Variants in ENPP6 observed in about 807,000 individuals in gnomAD.
ENPP6 encodes the protein glycerophosphocholine cholinephosphodiesterase ENPP6.
Under a neutral mutation model 42.0 loss-of-function variants are expected in ENPP6, and 32 were observed. The observed-to-expected ratio is 0.76, with a 90% CI of 0.58 to 1.02. The LOEUF (loss-of-function observed/expected upper bound fraction) is 1.02, where lower values mean the gene tolerates loss of function less well. Among genes scored for constraint, ENPP6 ranks in the 50% least tolerant of loss-of-function variants. The pLI is 0.00. For missense variants in ENPP6, 552 were observed against 566.8 expected (o/e 0.97, Z 0.27); for synonymous variants, 213 against 216.0 (o/e 0.99, Z 0.12).
chr4:184,206,573 C>T (rs1361032658), intron 1 of ENPP6, among the ~76,000 whole-genome samples: 1 of 152,016 alleles, frequency 6.6e-6, no homozygotes, highest in Non-Finnish European at 1.5e-5. Flanking sequence ...TTGAATTCTG[C>T]AGAAGGCTGA....
chr4:184,189,637 G>T (rs1732688083), intron 1 of ENPP6, among the ~76,000 whole-genome samples: 1 of 152,202 alleles, frequency 6.6e-6, no homozygotes, highest in Non-Finnish European at 1.5e-5. Context: ...GAGGCCAGAA[G>T]GGCAGAAGAA....
chr4:184,120,690 C>T (rs990999549), intron 3 of ENPP6, among the ~76,000 whole-genome samples: 1 of 152,144 alleles, frequency 6.6e-6, no homozygotes, highest in African/African-American at 2.4e-5. Context: ...GAAAAAGGGC[C>T]GTGTGTGGGG....
At chr4:184,201,283 G>A (rs759187782) in intron 1 of ENPP6, among the ~76,000 whole-genome samples, 10 of 152,262 alleles carry the variant, frequency 6.6e-5, no homozygotes, top group Admixed American at 2.6e-4. Flanking sequence ...AATCTGAAAT[G>A]CCCTTTAACC....
In ENPP6 at chr4:184,160,236, C is replaced by T. The variant is rs1020058945; in HGVS notation, c.242-6503G>A. ...CTTTAAGGAATCTCCATACTGTTTT[C>T]AATAGTGGTTGTACTGGTTTACATT... On this transcript the variant is annotated intron_variant, in intron 1 of 7. Transcript: ENST00000296741. Among the ~76,000 whole-genome samples the T allele has an allele frequency of 7.9e-5, 12 of 152,170 alleles. 1 individual carries two copies. The highest frequency in any genetic ancestry group is 1.8e-4 in the Non-Finnish European group (12 of 68,024).
At chr4:184,120,520 G>C (rs531742379) in intron 3 of ENPP6, among the ~76,000 whole-genome samples, 1 of 152,046 alleles carries the variant, frequency 6.6e-6, no homozygotes, top group Admixed American at 6.5e-5. Flanking sequence ...GTGACCCCCT[G>C]CTCTCCTCCA....
At chr4:184,112,874 G>A in intron 5 of ENPP6, 65 bp from the exon 6 acceptor site, 9 of 1,485,566 alleles carry the variant, frequency 6.1e-6, no homozygotes, top group Non-Finnish European at 7.2e-6. Context: ...ATTTACTGGA[G>A]CTAGGGGAGA....
At chr4:184,120,518 C>T (rs917627532) in intron 3 of ENPP6, among the ~76,000 whole-genome samples, 4 of 152,198 alleles carry the variant, frequency 2.6e-5, no homozygotes, top group Non-Finnish European at 4.4e-5. Context: ...CTGTGACCCC[C>T]TGCTCTCCTC....
At chr4:184,157,177 T>G (rs1560995597) in intron 1 of ENPP6, among the ~76,000 whole-genome samples, 1 of 152,320 alleles carries the variant, frequency 6.6e-6, no homozygotes, top group East Asian at 1.9e-4. Context: ...CTAGCCAGAA[T>G]TCATTGGCCA....
intron 1 of ENPP6, among the ~76,000 whole-genome samples, chr4:184,199,274 A>G (rs931906644): frequency 3.3e-5 from 5 of 152,038 alleles, no homozygotes; most frequent in African/African-American, 1.2e-4. Flanking sequence ...CTGTGATGAG[A>G]TATCTCACGG....
At chr4:184,111,856 C>T (rs550336407) in intron 6 of ENPP6, among the ~76,000 whole-genome samples, 19 of 152,296 alleles carry the variant, frequency 1.2e-4, no homozygotes, top group South Asian at 2.1e-4. Context: ...CCTCATGCCC[C>T]GGGGTGACTA....
chr4:184,167,236 C>T (rs1336036050), intron 1 of ENPP6, among the ~76,000 whole-genome samples: 1 of 152,208 alleles, frequency 6.6e-6, no homozygotes, highest in Non-Finnish European at 1.5e-5. Flanking sequence ...CTGCCTCAGT[C>T]TCCCGAGTAG....
intron 1 of ENPP6, among the ~76,000 whole-genome samples, chr4:184,185,627 G>T (rs548389704): frequency 7.2e-5 from 11 of 152,294 alleles, no homozygotes; most frequent in African/African-American, 2.6e-4. Flanking sequence ...GACAAAAAAG[G>T]TTTAACTTGA....
At chr4:184,172,558 G>A (rs1737486806) in intron 1 of ENPP6, among the ~76,000 whole-genome samples, 1 of 152,202 alleles carries the variant, frequency 6.6e-6, no homozygotes, top group Non-Finnish European at 1.5e-5. Flanking sequence ...GATGGAAGCA[G>A]GGTGACTTGG....
At chr4:184,145,346 T>TC (rs1736900153) in intron 2 of ENPP6, among the ~76,000 whole-genome samples, 1 of 152,060 alleles carries the variant, frequency 6.6e-6, no homozygotes, top group African/African-American at 2.4e-5. Flanking sequence ...TTCTATCCTC[T>TC]CCCCTTTTTC....
At chr4:184,097,538 C>A (rs1309079999) in intron 6 of ENPP6, among the ~76,000 whole-genome samples, 170 bp from the exon 7 acceptor site, 4 of 152,184 alleles carry the variant, frequency 2.6e-5, no homozygotes, top group Admixed American at 6.5e-5. Context: ...CCGCTCAGAC[C>A]TCGGGCAGCA....
Position 184,119,312 on chromosome 4 carries a change from GGT to G in ENPP6, c.534-1414_534-1413del, listed in dbSNP as rs6148837. Among the ~76,000 whole-genome samples the G allele has an allele frequency of 2.9e-3, 418 of 144,096 alleles. 3 individuals carry two copies. The highest frequency in any genetic ancestry group is 9.8e-3 in the African/African-American group (376 of 38,256). 94.5% of individuals were successfully genotyped at this position (144,096 alleles called of 152,430 possible). The stretch of plus-strand genomic sequence containing the variant: ...ATCATTCTCCATCCTTCTGTTTCTT[GGT>G]GTGTGTGTGTGTGTGTGTGTGTGTG... On this transcript the variant is annotated intron_variant, in intron 3 of 7. Coordinates refer to ENST00000296741, the MANE Select transcript of ENPP6 (RefSeq NM_153343.4).
Position 184,127,684 on chromosome 4 carries a change from T to G in ENPP6, c.422-3412A>C, listed in dbSNP as rs4862316. On this transcript the variant is annotated intron_variant, in intron 2 of 7. Coordinates refer to ENST00000296741, the MANE Select transcript of ENPP6 (RefSeq NM_153343.4). ...AGGCAGGAGAATCCCTTGAACCTGG[T>G]GGGTGGAGGTTGCAGTGAGCTGAGA... is the stretch of plus-strand genomic sequence containing the variant. Among the ~76,000 whole-genome samples, 796 of 152,104 alleles carry G rather than the reference T, an allele frequency of 5.2e-3. 9 individuals carry two copies. The highest frequency in any genetic ancestry group is 0.038 in the South Asian group (181 of 4,824).
intron 1 of ENPP6, among the ~76,000 whole-genome samples, chr4:184,171,776 C>T (rs1372278011): frequency 7.3e-6 from 1 of 136,652 alleles, no homozygotes; most frequent in Non-Finnish European, 1.6e-5. Flanking sequence ...TTGTTAGTTA[C>T]AAACACATTG....
rs558550328 is a variant in ENPP6, at chr4:184,185,272, C to T, written c.242-31539G>A. On this transcript the variant is annotated intron_variant, in intron 1 of 7. Coordinates refer to ENST00000296741, the MANE Select transcript of ENPP6 (RefSeq NM_153343.4). ...CTGTCATGATTCTTACCTCCTCTTG[C>T]GTTCTGAAAAGCATCCTGATTTGCA... Among the ~76,000 whole-genome samples, 8 of 152,236 alleles carry T rather than the reference C, an allele frequency of 5.3e-5. No homozygotes were observed. The South Asian group carries it at 8.3e-4, about 16-fold the overall frequency.
Sources: allele counts gnomAD v4.1 joint callset (sites outside exome capture counted in the v4.1 genomes callset), GRCh38; gene constraint gnomAD v4.1.1; transcripts MANE v1.5; gene names NCBI Gene and HGNC (gene_info 2026-07-23, HGNC 2026-07-21).